ZDHHC15: variants seen among roughly 807,000 people sequenced by gnomAD.
The protein encoded by ZDHHC15 is palmitoyltransferase ZDHHC15.
A neutral mutation model predicts 31.7 loss-of-function variants in ZDHHC15; 19 were observed. The ratio of observed to expected loss-of-function variants is 0.60; its 90% CI spans 0.42 to 0.88. The LOEUF is 0.88. ZDHHC15 is among the 40% of genes least tolerant of loss of function. ZDHHC15 has a pLI of 0.00. For missense variants in ZDHHC15, 209 were observed against 251.2 expected, an observed-to-expected ratio of 0.83 and a Z score of 1.14; for synonymous variants, 103 against 90.0, an observed-to-expected ratio of 1.14 and a Z score of -0.82.
chrX:75,402,833 C>A (rs2083371573), intron 10 of ZDHHC15, among the ~76,000 whole-genome samples: 1 of 110,835 alleles, frequency 9.0e-6, no homozygotes, highest in South Asian at 4.0e-4. Context: ...CCTACCGAGA[C>A]TATTCCAGAA....
At chrX:75,521,873 T>A (rs1018618094) in intron 1 of ZDHHC15, among the ~76,000 whole-genome samples, 2 of 110,123 alleles carry the variant, frequency 1.8e-5, no homozygotes, top group Non-Finnish European at 3.8e-5. Context: ...AGGTGGGGAG[T>A]GGGTTTCCTA....
At chrX:75,505,771 T>C (rs2085149582) in intron 2 of ZDHHC15, 50 bp downstream of exon 2, 3 of 1,197,118 alleles carry the variant, frequency 2.5e-6, no homozygotes, top group Non-Finnish European at 3.4e-6. Context: ...TACTTTTAGA[T>C]GAAAAAAAGG....
chrX:75,481,049 G>T (rs747841752), intron 2 of ZDHHC15, among the ~76,000 whole-genome samples: 1 of 111,261 alleles, frequency 9.0e-6, no homozygotes, highest in East Asian at 2.8e-4. Flanking sequence ...AGTGTCTCTA[G>T]GCTAGCCTTT....
chrX:75,479,930 G>A (rs1319509015), intron 2 of ZDHHC15, among the ~76,000 whole-genome samples: 1 of 111,401 alleles, frequency 9.0e-6, no homozygotes, highest in Non-Finnish European at 1.9e-5. Flanking sequence ...TATAAAAGTG[G>A]CTCTCTACTA....
At chrX:75,409,485 CAAAAAAAAAAAAAA>C (rs60512653) in intron 10 of ZDHHC15, among the ~76,000 whole-genome samples, 1 of 28,539 alleles carries the variant, frequency 3.5e-5, no homozygotes, top group African/African-American at 1.7e-4. Flanking sequence ...AAGTCCCTGC[CAAAAAAAAAAAAAA>C]AAAAAAAAAA....
chrX:75,441,792 T>G (rs1389499184), intron 4 of ZDHHC15, among the ~76,000 whole-genome samples: 3 of 109,455 alleles, frequency 2.7e-5, no homozygotes, highest in African/African-American at 1.0e-4. Context: ...CACGGCTAAT[T>G]TTTTGTATTT....
intron 10 of ZDHHC15, among the ~76,000 whole-genome samples, chrX:75,383,831 C>T (rs1190815401): frequency 3.9e-5 from 4 of 103,016 alleles, no homozygotes; most frequent in Admixed American, 2.1e-4. Flanking sequence ...CTCCGCCTCC[C>T]GAGTTCATGC....
Position 75,370,721 on chromosome X carries a change from A to T in ZDHHC15, c.*2257T>A, listed in dbSNP as rs1432995055. 9 of 110,333 alleles carry T rather than the reference A, an allele frequency of 8.2e-5. No individual in the cohort carries two copies. Among genetic ancestry groups the T allele is most frequent in the African/African-American group, 2.7e-4 (8 of 30,179 alleles). The allele number at this position is 110,333 out of a possible 1,213,427, so 9.1% of individuals were successfully genotyped here. A position where few individuals can be genotyped will look rare whatever the true frequency, so the allele number is the denominator to read the frequency against. Reference sequence around the variant, plus strand: ...TAATTTTTGTATTTTTAGTAGAGACAGGGTTTCTCCATGTTGGTCAGGCTG... The same window carrying T: ...TAATTTTTGTATTTTTAGTAGAGACTGGGTTTCTCCATGTTGGTCAGGCTG... On this transcript the variant is annotated 3_prime_UTR_variant, in exon 12 of 12. Coordinates refer to ENST00000373367, the MANE Select transcript of ZDHHC15 (RefSeq NM_144969.3).
intron 2 of ZDHHC15, among the ~76,000 whole-genome samples, chrX:75,495,890 C>T (rs1055411699): frequency 1.9e-5 from 2 of 106,415 alleles, no homozygotes; most frequent in Admixed American, 1.0e-4. Flanking sequence ...ATGTAACTAA[C>T]CTGCACATTG....
intron 2 of ZDHHC15, among the ~76,000 whole-genome samples, chrX:75,495,825 A>C (rs1243287696): frequency 9.4e-6 from 1 of 106,930 alleles, no homozygotes; most frequent in Non-Finnish European, 1.9e-5. Context: ...AGGCATTCCT[A>C]ATGTTAGATA....
intron 2 of ZDHHC15, among the ~76,000 whole-genome samples, chrX:75,484,558 T>G (rs927699073): frequency 9.0e-6 from 1 of 111,531 alleles, no homozygotes; most frequent in Admixed American, 9.5e-5. Flanking sequence ...AAAACAAACT[T>G]ATAACACTAA....
chrX:75,493,613 C>T (rs945139657), intron 2 of ZDHHC15, among the ~76,000 whole-genome samples: 1 of 111,947 alleles, frequency 8.9e-6, no homozygotes, highest in African/African-American at 3.3e-5. Flanking sequence ...CCCTGGGATG[C>T]AAGCCTGGTT....
rs1214889485 is a variant in ZDHHC15 at position 75,517,679 on chromosome X, T to A, written c.136+5210A>T. On this transcript the variant is annotated intron_variant, in intron 1 of 11. Transcript: ENST00000373367. Reference sequence around the variant, plus strand: ...GTGCAGCACACCAACATGGCACATGTATACATATGTAACAAACCTGCATGT... The same window carrying A: ...GTGCAGCACACCAACATGGCACATGAATACATATGTAACAAACCTGCATGT... Among the ~76,000 whole-genome samples the A allele has an allele frequency of 5.5e-5, 6 of 108,606 alleles. No homozygotes were observed. In the Middle Eastern group the frequency reaches 0.019, roughly 342 times the overall value. 94.3% of individuals were successfully genotyped at this position (108,606 alleles called of 115,157 possible).
intron 1 of ZDHHC15, among the ~76,000 whole-genome samples, chrX:75,508,052 C>T (rs1321862304): frequency 9.0e-6 from 1 of 110,956 alleles, no homozygotes; most frequent in Admixed American, 9.7e-5. Flanking sequence ...TTTAAATTTT[C>T]TAGTAGGAAC....
chrX:75,460,090 G>T (rs1337925638), intron 3 of ZDHHC15, among the ~76,000 whole-genome samples: 1 of 112,130 alleles, frequency 8.9e-6, no homozygotes, highest in East Asian at 2.8e-4. Flanking sequence ...GGTCAGGCTG[G>T]TCTTGAACTC....
chrX:75,403,443 T>C (rs748655503), intron 10 of ZDHHC15, among the ~76,000 whole-genome samples: 1 of 111,894 alleles, frequency 8.9e-6, no homozygotes, highest in Admixed American at 9.5e-5. Context: ...TCAAACTATA[T>C]CTGTTTGCAG....
chrX:75,505,898 AG>A, intron 1 of ZDHHC15, 51 bp from the exon 2 acceptor site: 1 of 607,334 alleles, frequency 1.6e-6, no homozygotes, highest in Non-Finnish European at 2.4e-6. Flanking sequence ...GAGATGGATG[AG>A]AGAGAGAGAG....
At chrX:75,420,468 G>A (rs909837581) in intron 9 of ZDHHC15, among the ~76,000 whole-genome samples, 36 of 111,181 alleles carry the variant, frequency 3.2e-4, no homozygotes, top group Non-Finnish European at 5.1e-4. Context: ...TATACCCATC[G>A]GATTATAAAT....
chrX:75,454,413 T>G (rs187794855), intron 3 of ZDHHC15, among the ~76,000 whole-genome samples: 20 of 112,123 alleles, frequency 1.8e-4, no homozygotes, highest in African/African-American at 6.5e-4. Context: ...TGTGTCTTTA[T>G]AGCAGCATGA....
Sources: gnomAD v4.1 joint callset for allele counts (sites outside exome capture counted in the v4.1 genomes callset) on GRCh38, gnomAD v4.1.1 for gene constraint, MANE v1.5 for transcripts, NCBI Gene and HGNC (gene_info 2026-07-23, HGNC 2026-07-21) for gene names.